OAS3: variants seen among roughly 807,000 people sequenced by gnomAD.
OAS3 encodes 2'-5'-oligoadenylate synthase 3.
In OAS3, 107 loss-of-function variants were observed where a neutral mutation model predicts 113.0. The ratio of observed to expected loss-of-function variants is 0.95; its 90% CI spans 0.81 to 1.11. The LOEUF is 1.11. Ranked by LOEUF, OAS3 falls within the 50% of genes most tolerant of loss-of-function variation. OAS3 has a pLI of 0.00. For synonymous variants in OAS3, 552 were observed against 573.6 expected (o/e 0.96, Z 0.54); for missense variants, 1,258 against 1,389.1 (o/e 0.91, Z 1.50).
At chr12:112,966,184 G>A (rs2043932099) in intron 12 of OAS3, among the ~76,000 whole-genome samples, 155 bp downstream of exon 12, 1 of 152,240 alleles carries the variant, frequency 6.6e-6, no homozygotes, top group Non-Finnish European at 1.5e-5. Flanking sequence ...TTCCTGCAAA[G>A]TATCTAAAGA....
At chr12:112,956,655 G>A (rs1003437242) in intron 7 of OAS3, among the ~76,000 whole-genome samples, 1 of 152,198 alleles carries the variant, frequency 6.6e-6, no homozygotes, top group African/African-American at 2.4e-5. Flanking sequence ...TTTTGAGTGA[G>A]TTTCTTAATC....
intron 7 of OAS3, among the ~76,000 whole-genome samples, chr12:112,951,291 C>T (rs865867070): frequency 6.6e-6 from 1 of 152,000 alleles, no homozygotes; most frequent in Admixed American, 6.6e-5. Flanking sequence ...AGAAATTTCT[C>T]ATGTTATAAT....
In OAS3 at chr12:112,949,138, AG is replaced by A. The variant is rs775659399; in HGVS notation, c.1309del (p.Ala437ProfsTer32). On this transcript the variant is annotated frameshift_variant, in exon 6 of 16. Transcript: ENST00000228928. LOFTEE classifies it high-confidence loss of function. ...PSPQFQEQVK[K>X]AIDIILRCLH... is the part of the protein sequence containing the mutation. Reference sequence around the variant, plus strand: ...CCCCAGTTCCAGGAGCAGGTGAAAAAGGCCATTGACATCATCTTGCGCTGCC... The same window carrying A: ...CCCCAGTTCCAGGAGCAGGTGAAAAAGCCATTGACATCATCTTGCGCTGCC... 6.2e-7 allele frequency: 1 copy of A among 1,613,836 alleles called. No individual in the cohort carries two copies. The highest frequency in any genetic ancestry group is 8.5e-7 in the Non-Finnish European group (1 of 1,179,884).
chr12:112,956,644 G>A (rs907409525), intron 7 of OAS3, among the ~76,000 whole-genome samples: 3 of 152,210 alleles, frequency 2.0e-5, no homozygotes, highest in African/African-American at 4.8e-5. Context: ...TAGTTGAGTG[G>A]TTTTGAGTGA....
In OAS3 at chr12:112,941,635, C is replaced by A. The variant is rs374581984; in HGVS notation, c.243C>A (p.Leu81=). The A allele has an allele frequency of 6.2e-7, 1 of 1,614,036 alleles. No individual in the cohort carries two copies. The highest frequency in any genetic ancestry group is 2.2e-5 in the East Asian group (1 of 44,888). The change falls in exon 2 of 16, where the codon CTC becomes CTA. Residue 81 remains leucine, a synonymous_variant. Transcript: ENST00000228928. The stretch of plus-strand genomic sequence containing the variant: ...GTGATTCTGAACTTGTCATCTTCCT[C>A]GACTGCTTCAAGAGCTATGTGGACC... ...GGCDSELVIF[L]DCFKSYVDQR... is the part of the protein sequence containing the mutation.
Position 112,970,149 on chromosome 12 carries a change from C to T in OAS3, c.*176C>T. On this transcript the variant is annotated 3_prime_UTR_variant, in exon 16 of 16. Transcript: ENST00000228928. ...GTGTGTTTTAGTGAATCTGCTCTCC[C>T]AGCTCACACACTCCCCTGCCTCCCA... 1 of 720,252 alleles carries T rather than the reference C, an allele frequency of 1.4e-6. No homozygotes were observed. The allele number at this position is 720,252 out of a possible 1,614,324, so 44.6% of individuals were successfully genotyped here.
At position 112,972,622 on chromosome 12, in the gene OAS3, A is replaced by G. The variant is rs1041427863; in HGVS notation, c.*2649A>G. 6.6e-6 allele frequency: 1 copy of G among 152,242 alleles called. No homozygotes were observed. The highest frequency in any genetic ancestry group is 2.4e-5 in the African/African-American group (1 of 41,452). 9.4% of individuals were successfully genotyped at this position (152,242 alleles called of 1,614,324 possible). Reference sequence around the variant, plus strand: ...GTCTTAGCCAATATTAAAACATACTATGAAGCCTCTGATACTTAAACAGCA... The same window carrying G: ...GTCTTAGCCAATATTAAAACATACTGTGAAGCCTCTGATACTTAAACAGCA... On this transcript the variant is annotated 3_prime_UTR_variant, in exon 16 of 16. Coordinates refer to ENST00000228928, the MANE Select transcript of OAS3 (RefSeq NM_006187.4).
Position 112,944,418 on chromosome 12 carries a change from C to T in OAS3, c.461-58C>T, listed in dbSNP as rs970425646. On this transcript the variant is annotated intron_variant, in intron 2 of 15. Coordinates refer to ENST00000228928, the MANE Select transcript of OAS3 (RefSeq NM_006187.4). Reference sequence around the variant, plus strand: ...CCCAGGCTGAGCTCGGCACCAACACCGCCCTCCATCCTGTGTCCTCAGTGC... The same window carrying T: ...CCCAGGCTGAGCTCGGCACCAACACTGCCCTCCATCCTGTGTCCTCAGTGC... The T allele has an allele frequency of 8.8e-6, 14 of 1,592,022 alleles. No homozygotes were observed. The Middle Eastern group carries it at 5.1e-4, about 58-fold the overall frequency.
chr12:112,958,711 G>A (rs1056950984), intron 7 of OAS3, among the ~76,000 whole-genome samples: 4 of 152,238 alleles, frequency 2.6e-5, no homozygotes, highest in East Asian at 1.9e-4. Context: ...TGGAAGCTTC[G>A]TCTCAGAGGG....
rs1211976223 is a variant in OAS3, at chr12:112,961,555, TATG to T, written c.1833+312_1833+314del. On this transcript the variant is annotated intron_variant, in intron 8 of 15. Transcript: ENST00000228928. ...TTTCCCCCACCTCCAAGCCGTTGCT[TATG>T]ATATTACCCCCACCACATGTCTATT... 2.0e-5 allele frequency among the ~76,000 whole-genome samples: 3 copies of T among 152,276 alleles called. No homozygotes were observed. In the East Asian group the frequency reaches 5.8e-4, roughly 29 times the overall value.
At chr12:112,941,208 A>T (rs896274375) in intron 1 of OAS3, among the ~76,000 whole-genome samples, 4 of 152,024 alleles carry the variant, frequency 2.6e-5, no homozygotes, top group African/African-American at 9.7e-5. Flanking sequence ...CTTTAAAAAA[A>T]TGTAAAAACT....
intron 7 of OAS3, among the ~76,000 whole-genome samples, chr12:112,959,658 A>G (rs2043864889): frequency 6.6e-6 from 1 of 151,582 alleles, no homozygotes; most frequent in Non-Finnish European, 1.5e-5. Context: ...ATGGTTTCTT[A>G]TCTCATCCTC....
Position 112,944,486 on chromosome 12 carries a change from C to G in OAS3, c.471C>G (p.Gly157=), listed in dbSNP as rs747196644. The change falls in exon 3 of 16, where the codon GGC becomes GGG. Residue 157 remains glycine, a synonymous_variant. Coordinates refer to ENST00000228928, the MANE Select transcript of OAS3 (RefSeq NM_006187.4). ...VPAFNVLGQA[G]SGVKPKPQVY... is the part of the protein sequence containing the mutation. ...GCTTCACACCAACAGGTCAGGCCGG[C>G]TCCGGCGTCAAACCCAAGCCACAAG... 1 of 1,614,026 alleles carries G rather than the reference C, an allele frequency of 6.2e-7. No homozygotes were observed. Among genetic ancestry groups the G allele is most frequent in the African/African-American group, 1.3e-5 (1 of 75,066 alleles).
At chr12:112,938,789 G>A (rs2043653613) in intron 1 of OAS3, 82 bp downstream of exon 1, 1 of 1,167,510 alleles carries the variant, frequency 8.6e-7, no homozygotes, top group East Asian at 3.0e-5. Flanking sequence ...CTTACGGTGG[G>A]GGTGGCTTTA....
intron 7 of OAS3, among the ~76,000 whole-genome samples, chr12:112,953,130 C>T (rs2043806080): frequency 6.6e-6 from 1 of 151,956 alleles, no homozygotes; most frequent in Admixed American, 6.6e-5. Flanking sequence ...AATGCTATCC[C>T]TCCCCACTCC....
At chr12:112,951,736 C>CATG (rs2043794218) in intron 7 of OAS3, among the ~76,000 whole-genome samples, 1 of 151,454 alleles carries the variant, frequency 6.6e-6, no homozygotes, top group African/African-American at 2.4e-5. Context: ...GTGGATCACA[C>CATG]CTGTAATCCC....
intron 7 of OAS3, among the ~76,000 whole-genome samples, chr12:112,956,245 T>A (rs1414539899): frequency 6.6e-6 from 1 of 152,196 alleles, no homozygotes; most frequent in Non-Finnish European, 1.5e-5. Flanking sequence ...TTACTAGTCT[T>A]GCTAGCAGTC....
At position 112,964,321 on chromosome 12, in the gene OAS3, G is replaced by A; in HGVS notation, c.2316G>A (p.Gln772=). 6.2e-7 allele frequency: 1 copy of A among 1,610,830 alleles called. No individual in the cohort carries two copies. Among genetic ancestry groups the A allele is most frequent in the Non-Finnish European group, 8.5e-7 (1 of 1,178,598 alleles). Reference sequence around the variant, plus strand: ...AGCCCAACCGCCAGTTCCTGGCCCAGGTGAACAAGGCCGTTGATACCATCT... The same window carrying A: ...AGCCCAACCGCCAGTTCCTGGCCCAAGTGAACAAGGCCGTTGATACCATCT... The part of the protein sequence containing the change: ...FLQPNRQFLA[Q]VNKAVDTICS... Residue 772 remains glutamine, a synonymous_variant, in exon 11 of 16, where the codon CAG becomes CAA. Coordinates refer to ENST00000228928, the MANE Select transcript of OAS3 (RefSeq NM_006187.4).
chr12:112,952,210 G>C (rs772078919), intron 7 of OAS3, among the ~76,000 whole-genome samples: 28 of 152,088 alleles, frequency 1.8e-4, no homozygotes, highest in Admixed American at 1.3e-4. Flanking sequence ...CTATGTTATT[G>C]GGAACATATA....
Sources: gnomAD v4.1 joint callset for allele counts (sites outside exome capture counted in the v4.1 genomes callset) on GRCh38, gnomAD v4.1.1 for gene constraint, MANE v1.5 for transcripts, NCBI Gene and HGNC (gene_info 2026-07-23, HGNC 2026-07-21) for gene names.